The following SHISA6 variants were observed in gnomAD, a reference collection of about 807,000 sequenced individuals.
SHISA6 encodes protein shisa-6.
A neutral mutation model predicts 47.9 loss-of-function variants in SHISA6; 22 were observed. That is an observed-to-expected ratio of 0.46 (90% confidence interval 0.33 to 0.66). The LOEUF (loss-of-function observed/expected upper bound fraction) is 0.66. Among genes scored for constraint, SHISA6 ranks in the 30% least tolerant of loss-of-function variants. The probability of loss-of-function intolerance (pLI) is 0.02; values close to 1 mark genes in which losing one functional copy is unlikely to be tolerated. For missense variants in SHISA6, 680 were observed against 764.6 expected, an observed-to-expected ratio of 0.89 and a Z score of 1.30; for synonymous variants, 388 against 337.8, an observed-to-expected ratio of 1.15 and a Z score of -1.63.
At chr17:11,405,441 A>G (rs1167514405) in intron 3 of SHISA6, among the ~76,000 whole-genome samples, 1 of 151,938 alleles carries the variant, frequency 6.6e-6, no homozygotes, top group East Asian at 1.9e-4. Flanking sequence ...CTGCACTGCT[A>G]ACTAAATCAT....
chr17:11,320,163 A>G (rs553127874), intron 2 of SHISA6, among the ~76,000 whole-genome samples: 1 of 152,340 alleles, frequency 6.6e-6, no homozygotes, highest in South Asian at 2.1e-4. Flanking sequence ...AATATTTTCA[A>G]TCATTTATGT....
intron 3 of SHISA6, among the ~76,000 whole-genome samples, chr17:11,409,433 C>T (rs564940286): frequency 6.6e-6 from 1 of 152,158 alleles, no homozygotes; most frequent in African/African-American, 2.4e-5. Context: ...AAGACAGTGT[C>T]GGGCCAGGAG....
intron 3 of SHISA6, among the ~76,000 whole-genome samples, chr17:11,547,632 G>T (rs2071893973): frequency 6.6e-6 from 1 of 152,104 alleles, no homozygotes. Context: ...AAAGATTTAA[G>T]CCAGGAAATG....
chr17:11,356,730 G>A (rs1912090861), intron 2 of SHISA6, among the ~76,000 whole-genome samples: 1 of 152,100 alleles, frequency 6.6e-6, no homozygotes, highest in African/African-American at 2.4e-5. Flanking sequence ...GGGGCCTGTG[G>A]TATCCCCTTA....
intron 3 of SHISA6, among the ~76,000 whole-genome samples, chr17:11,542,823 G>A (rs2071845264): frequency 6.6e-6 from 1 of 152,136 alleles, no homozygotes; most frequent in Non-Finnish European, 1.5e-5. Context: ...TCACATCAAA[G>A]CAGTCACTTA....
At position 11,282,294 on chromosome 17, in the gene SHISA6, G is replaced by A. The variant is rs554640013; in HGVS notation, c.799+18768G>A. Among the ~76,000 whole-genome samples the A allele has an allele frequency of 9.2e-5, 14 of 152,274 alleles. No individual in the cohort carries two copies. The South Asian group carries it at 2.5e-3, about 27-fold the overall frequency. On this transcript the variant is annotated intron_variant, in intron 2 of 5. Coordinates refer to ENST00000441885, the MANE Select transcript of SHISA6 (RefSeq NM_207386.4). ...CTTGTTGCCCAGATTTTTAACATCA[G>A]AGTAGAGTTCTAGAGGCGATTCAAC...
intron 3 of SHISA6, among the ~76,000 whole-genome samples, chr17:11,412,601 G>A (rs143441099): frequency 2.0e-5 from 3 of 151,894 alleles, no homozygotes; most frequent in Admixed American, 1.3e-4. Flanking sequence ...GAGTGCAGTG[G>A]CGCGATCTTG....
At chr17:11,312,275 TTTA>T (rs146063662) in intron 2 of SHISA6, among the ~76,000 whole-genome samples, 8,880 of 152,224 alleles carry the variant, frequency 0.058, 343 homozygotes, top group Admixed American at 0.091. Flanking sequence ...GCTTAATTAA[TTTA>T]TTATCATGTT....
chr17:11,331,453 C>G (rs1042745925), intron 2 of SHISA6, among the ~76,000 whole-genome samples: 2 of 152,130 alleles, frequency 1.3e-5, no homozygotes, highest in African/African-American at 4.8e-5. Context: ...AATGCAAAGC[C>G]TGCTTTGTTT....
chr17:11,413,532 C>G (rs889855197), intron 3 of SHISA6, among the ~76,000 whole-genome samples: 12 of 152,190 alleles, frequency 7.9e-5, no homozygotes, highest in African/African-American at 2.9e-4. Flanking sequence ...CATGCAACGA[C>G]CACCATCTAC....
intron 3 of SHISA6, among the ~76,000 whole-genome samples, chr17:11,475,455 C>T (rs1916028403): frequency 6.6e-6 from 1 of 152,078 alleles, no homozygotes; most frequent in Admixed American, 6.5e-5. Context: ...AAGTTCCCTT[C>T]TATTCCTAGT....
chr17:11,523,115 A>C (rs2142364398), intron 3 of SHISA6, among the ~76,000 whole-genome samples: 1 of 152,364 alleles, frequency 6.6e-6, no homozygotes, highest in South Asian at 2.1e-4. Context: ...CCTCTAAAAA[A>C]ATCCCATGGT....
intron 2 of SHISA6, among the ~76,000 whole-genome samples, chr17:11,326,164 G>A (rs28555368): frequency 0.027 from 4,157 of 151,896 alleles, 189 homozygotes; most frequent in African/African-American, 0.095. Flanking sequence ...CCAGCTACTC[G>A]AGAGGCTGAG....
intron 2 of SHISA6, among the ~76,000 whole-genome samples, chr17:11,302,200 C>T (rs2142178360): frequency 6.6e-6 from 1 of 152,240 alleles, no homozygotes; most frequent in South Asian, 2.1e-4. Context: ...CATATCAGGC[C>T]TAGAGCTTAA....
At chr17:11,253,618 G>C (rs1326174052) in intron 1 of SHISA6, among the ~76,000 whole-genome samples, 1 of 152,152 alleles carries the variant, frequency 6.6e-6, no homozygotes, top group East Asian at 1.9e-4. Context: ...TTCGTTGATA[G>C]GGATTAGCCT....
chr17:11,543,154 C>T (rs1158065990), intron 3 of SHISA6, among the ~76,000 whole-genome samples: 1 of 151,992 alleles, frequency 6.6e-6, no homozygotes, highest in Non-Finnish European at 1.5e-5. Flanking sequence ...CAAGAGGCTC[C>T]GTAGACATAT....
At chr17:11,523,831 C>CT (rs2071652276) in intron 3 of SHISA6, among the ~76,000 whole-genome samples, 1 of 152,004 alleles carries the variant, frequency 6.6e-6, no homozygotes, top group Non-Finnish European at 1.5e-5. Context: ...CATGGAGAAA[C>CT]TCTGTCTCTA....
intron 3 of SHISA6, among the ~76,000 whole-genome samples, chr17:11,380,944 A>G (rs559459773): frequency 7.2e-5 from 11 of 152,302 alleles, no homozygotes; most frequent in Admixed American, 3.3e-4. Context: ...CAGGGTGGGT[A>G]ATCAGAGAAG....
chr17:11,411,578 G>GA (rs1914119342), intron 3 of SHISA6, among the ~76,000 whole-genome samples: 1 of 151,928 alleles, frequency 6.6e-6, no homozygotes, highest in Non-Finnish European at 1.5e-5. Context: ...TGTATTTTTA[G>GA]TAGAGACAGG....
Sources: gnomAD v4.1 joint callset for allele counts (sites outside exome capture counted in the v4.1 genomes callset) on GRCh38, gnomAD v4.1.1 for gene constraint, MANE v1.5 for transcripts, NCBI Gene and HGNC (gene_info 2026-07-23, HGNC 2026-07-21) for gene names.